Variants in PAFAH1B1 observed in about 807,000 individuals in gnomAD.
The protein encoded by PAFAH1B1 is platelet activating factor acetylhydrolase 1b regulatory subunit 1.
In PAFAH1B1, 2 loss-of-function variants were observed where a neutral mutation model predicts 57.5. That is an observed-to-expected ratio of 0.03 (90% CI 0.01 to 0.11). PAFAH1B1 has a LOEUF of 0.11. Ranked by LOEUF, PAFAH1B1 falls within the 10% of genes least tolerant of loss-of-function variation. PAFAH1B1 has a pLI of 1.00. For synonymous variants in PAFAH1B1, 152 were observed against 169.6 expected (o/e 0.90, Z 0.81); for missense variants, 257 against 512.0 (o/e 0.50, Z 4.81).
chr17:2,651,960 C>T (rs1597554353), intron 2 of PAFAH1B1, among the ~76,000 whole-genome samples: 1 of 152,218 alleles, frequency 6.6e-6, no homozygotes, highest in East Asian at 1.9e-4. Flanking sequence ...AATAAATTCA[C>T]TGCCCTAAAA....
chr17:2,659,679 A>C (rs905672724), intron 2 of PAFAH1B1, among the ~76,000 whole-genome samples: 6 of 150,932 alleles, frequency 4.0e-5, no homozygotes, highest in African/African-American at 1.5e-4. Context: ...AAAAATATTA[A>C]AAAAAAAATT....
At chr17:2,626,715 C>T (rs1417319489) in intron 1 of PAFAH1B1, among the ~76,000 whole-genome samples, 4 of 151,748 alleles carry the variant, frequency 2.6e-5, no homozygotes, top group Admixed American at 1.3e-4. Context: ...CCACCAAGCC[C>T]GGCTAATTTT....
chr17:2,665,076 C>A (rs1001806888), intron 2 of PAFAH1B1, among the ~76,000 whole-genome samples: 1 of 151,968 alleles, frequency 6.6e-6, no homozygotes, highest in Non-Finnish European at 1.5e-5. Context: ...GTGCCTACAG[C>A]TTGTGAGGTA....
At chr17:2,597,543 T>C (rs925871321) in intron 1 of PAFAH1B1, among the ~76,000 whole-genome samples, 3 of 151,196 alleles carry the variant, frequency 2.0e-5, no homozygotes, top group Non-Finnish European at 4.4e-5. Context: ...CTTGAGTAGT[T>C]GGGATTACAG....
chr17:2,674,029 TCA>T (rs1472712357), intron 7 of PAFAH1B1, 29 bp from the exon 8 acceptor site: 3 of 1,467,422 alleles, frequency 2.0e-6, no homozygotes. Flanking sequence ...TGATTGTCAT[TCA>T]CAGTGTAAGT....
At chr17:2,656,950 C>G (rs2068943934) in intron 2 of PAFAH1B1, among the ~76,000 whole-genome samples, 1 of 151,984 alleles carries the variant, frequency 6.6e-6, no homozygotes, top group African/African-American at 2.4e-5. Flanking sequence ...GAGACAGAGT[C>G]TCGCTCTGTA....
At chr17:2,665,483 G>A in intron 3 of PAFAH1B1, 27 bp downstream of exon 3, 1 of 1,297,580 alleles carries the variant, frequency 7.7e-7, no homozygotes, top group Non-Finnish European at 1.1e-6. Context: ...ACAATTCAAA[G>A]TATAGTTAAT....
chr17:2,674,732 A>G (rs1474958489), intron 8 of PAFAH1B1, among the ~76,000 whole-genome samples: 1 of 152,230 alleles, frequency 6.6e-6, no homozygotes, highest in Non-Finnish European at 1.5e-5. Context: ...TTTTTAAATG[A>G]AGACTAATCC....
intron 2 of PAFAH1B1, among the ~76,000 whole-genome samples, chr17:2,646,884 T>C (rs1347193571): frequency 6.6e-6 from 1 of 152,088 alleles, no homozygotes; most frequent in Non-Finnish European, 1.5e-5. Context: ...TTCCGGGACA[T>C]AAAGGTAGTA....
chr17:2,669,323 G>A (rs940739259), intron 5 of PAFAH1B1, among the ~76,000 whole-genome samples: 4 of 149,892 alleles, frequency 2.7e-5, no homozygotes, highest in African/African-American at 7.4e-5. Flanking sequence ...GGAGTGCAGT[G>A]GTATGATCTT....
In PAFAH1B1 at chr17:2,593,925, C is replaced by CCCCTCT; in HGVS notation, c.-266_-261dup. ...TTCCCTCCCTCCCTCCTTCCTCCCT[C>CCCCTCT]CCCTCTCCCTCCCCCTCCCCCGCCG... On this transcript the variant is annotated 5_prime_UTR_variant, in exon 1 of 11. Transcript: ENST00000397195. The CCCCTCT allele has an allele frequency of 2.7e-6, 1 of 368,118 alleles. No individual in the cohort carries two copies. Among genetic ancestry groups the CCCCTCT allele is most frequent in the Non-Finnish European group, 4.8e-6 (1 of 207,250 alleles). The allele number at this position is 368,118 out of a possible 1,614,324, so 22.8% of individuals were successfully genotyped here.
chr17:2,673,257 CTA>C (rs1567559179), intron 7 of PAFAH1B1, among the ~76,000 whole-genome samples: 1 of 152,172 alleles, frequency 6.6e-6, no homozygotes, highest in African/African-American at 2.4e-5. Flanking sequence ...AGGAGAGACT[CTA>C]TGTCCTTGAG....
chr17:2,642,728 C>T (rs1032413162), intron 2 of PAFAH1B1, among the ~76,000 whole-genome samples: 17 of 152,158 alleles, frequency 1.1e-4, no homozygotes, highest in African/African-American at 3.9e-4. Context: ...GTCCTGCCCA[C>T]GACATGATCA....
chr17:2,685,236 C>T lies in PAFAH1B1; in HGVS notation c.*3434C>T, dbSNP rs987391516. 1.3e-5 allele frequency: 2 copies of T among 152,550 alleles called. No homozygotes were observed. Among genetic ancestry groups the T allele is most frequent in the Non-Finnish European group, 2.9e-5 (2 of 68,044 alleles). The allele number at this position is 152,550 out of a possible 1,614,324, so 9.4% of individuals were successfully genotyped here. ...CTGAATGGGCCTTTTTATCTTCCCA[C>T]TGTATCATGGAAGTAGCTGCTTGCT... is the stretch of plus-strand genomic sequence containing the variant. On this transcript the variant is annotated 3_prime_UTR_variant, in exon 11 of 11. Coordinates refer to ENST00000397195, the MANE Select transcript of PAFAH1B1 (RefSeq NM_000430.4).
At chr17:2,625,427 T>G (rs2068477092) in intron 1 of PAFAH1B1, among the ~76,000 whole-genome samples, 1 of 152,240 alleles carries the variant, frequency 6.6e-6, no homozygotes, top group Non-Finnish European at 1.5e-5. Context: ...TTTTGTTTAT[T>G]TTCATATGTG....
intron 8 of PAFAH1B1, among the ~76,000 whole-genome samples, chr17:2,674,584 T>C (rs1473893632): frequency 1.3e-5 from 2 of 152,182 alleles, no homozygotes; most frequent in African/African-American, 2.4e-5. Context: ...AAACAAAACC[T>C]GAGGGAGAGG....
intron 1 of PAFAH1B1, among the ~76,000 whole-genome samples, chr17:2,610,702 C>T (rs911974378): frequency 1.3e-5 from 2 of 152,188 alleles, no homozygotes; most frequent in Non-Finnish European, 2.9e-5. Flanking sequence ...TCAAAGCTGT[C>T]CTGGGCCGTG....
chr17:2,629,163 C>G (rs2068526796), intron 1 of PAFAH1B1, among the ~76,000 whole-genome samples: 1 of 152,018 alleles, frequency 6.6e-6, no homozygotes, highest in African/African-American at 2.4e-5. Flanking sequence ...GTTCCTCTTT[C>G]TCTAGTTCCT....
chr17:2,662,356 C>T (rs1213129220), intron 2 of PAFAH1B1, among the ~76,000 whole-genome samples: 1 of 141,526 alleles, frequency 7.1e-6, no homozygotes, highest in African/African-American at 2.6e-5. Context: ...TTTTCTTAAC[C>T]ATTTTTATTT....
Sources: gnomAD v4.1 joint callset for allele counts (sites outside exome capture counted in the v4.1 genomes callset) on GRCh38, gnomAD v4.1.1 for gene constraint, MANE v1.5 for transcripts, NCBI Gene and HGNC (gene_info 2026-07-23, HGNC 2026-07-21) for gene names.